PLCE1: variants seen among roughly 807,000 people sequenced by gnomAD.
The protein encoded by PLCE1 is phospholipase C epsilon 1.
A neutral mutation model predicts 242.8 loss-of-function variants in PLCE1; 119 were observed. The ratio of observed to expected loss-of-function variants is 0.49; its 90% CI spans 0.42 to 0.57. The LOEUF (loss-of-function observed/expected upper bound fraction) is 0.57, where lower values mean the gene tolerates loss of function less well. PLCE1 is among the 20% of genes least tolerant of loss of function. The pLI is 0.00. For synonymous variants in PLCE1, 945 were observed against 1,017.4 expected (o/e 0.93, Z 1.35); for missense variants, 2,441 against 2,788.8 (o/e 0.88, Z 2.81).
rs144586739 is a variant in PLCE1 at position 94,067,193 on chromosome 10, C to G, written c.1206+34941C>G. On this transcript the variant is annotated intron_variant, in intron 2 of 32. Transcript: ENST00000371380. Reference sequence around the variant, plus strand: ...CTTGATCTCTGCTGGATCTTCCTAACATACTGGTTAGTGACCCGGACAACC... The same window carrying G: ...CTTGATCTCTGCTGGATCTTCCTAAGATACTGGTTAGTGACCCGGACAACC... Among the ~76,000 whole-genome samples the G allele has an allele frequency of 7.4e-4, 112 of 152,274 alleles. 1 individual carries two copies. In the East Asian group the frequency reaches 0.021, roughly 28 times the overall value.
intron 26 of PLCE1, among the ~76,000 whole-genome samples, chr10:94,307,839 G>A (rs2053254761): frequency 6.6e-6 from 1 of 152,164 alleles, no homozygotes; most frequent in African/African-American, 2.4e-5. Flanking sequence ...CAAGAATGGG[G>A]AGTATAGGGT....
intron 2 of PLCE1, among the ~76,000 whole-genome samples, chr10:94,101,879 G>C (rs567221879): frequency 6.6e-6 from 1 of 152,290 alleles, no homozygotes; most frequent in African/African-American, 2.4e-5. Context: ...TTGTGCGGTG[G>C]TGGGCATGTG....
chr10:94,150,794 C>T (rs1489404913), intron 3 of PLCE1, among the ~76,000 whole-genome samples: 1 of 152,138 alleles, frequency 6.6e-6, no homozygotes, highest in African/African-American at 2.4e-5. Flanking sequence ...GAGCACTCTC[C>T]TTTATATGAT....
At chr10:94,257,255 GT>G (rs943328526) in intron 11 of PLCE1, among the ~76,000 whole-genome samples, 4 of 151,086 alleles carry the variant, frequency 2.6e-5, no homozygotes, top group African/African-American at 7.3e-5. Flanking sequence ...TAAATATATA[GT>G]TTTTAGATTA....
In PLCE1 at chr10:94,325,084, A is replaced by C. The variant is rs1398657166; in HGVS notation, c.*4A>C. On this transcript the variant is annotated 3_prime_UTR_variant, in exon 32 of 33. Coordinates refer to ENST00000371380, the MANE Select transcript of PLCE1 (RefSeq NM_016341.4). Reference sequence around the variant, plus strand: ...CACAATGGATTACCGACAGTGACTAAGGGCAGCATGTTTAACCCAGGTATA... The same window carrying C: ...CACAATGGATTACCGACAGTGACTACGGGCAGCATGTTTAACCCAGGTATA... The C allele has an allele frequency of 1.9e-6, 3 of 1,613,680 alleles. No individual in the cohort carries two copies. Among genetic ancestry groups the C allele is most frequent in the Non-Finnish European group, 2.5e-6 (3 of 1,179,556 alleles).
At chr10:94,280,444 C>G (rs924091102) in intron 20 of PLCE1, 1 of 158,960 alleles carries the variant, frequency 6.3e-6, no homozygotes, top group Admixed American at 6.0e-5. Context: ...AAAACATAGG[C>G]AATGCTAATG....
In PLCE1 at chr10:94,192,906, C is replaced by G. The variant is rs968282737; in HGVS notation, c.1809+21410C>G. Among the ~76,000 whole-genome samples the G allele has an allele frequency of 2.6e-5, 4 of 152,208 alleles. No homozygotes were observed. The South Asian group carries it at 6.2e-4, about 24-fold the overall frequency. On this transcript the variant is annotated intron_variant, in intron 4 of 32. Transcript: ENST00000371380. ...TGGAACGCACCCGCTCTCATCTGATCTTGGAAAAACTAAAAGGATACTATT... is the reference window on the plus strand; with the variant it reads ...TGGAACGCACCCGCTCTCATCTGATGTTGGAAAAACTAAAAGGATACTATT...
At chr10:94,065,210 C>T (rs572523525) in intron 2 of PLCE1, among the ~76,000 whole-genome samples, 2 of 152,292 alleles carry the variant, frequency 1.3e-5, no homozygotes, top group South Asian at 2.1e-4. Context: ...CTTCCCTGGT[C>T]ACTGGAACCT....
intron 1 of PLCE1, among the ~76,000 whole-genome samples, chr10:93,995,653 A>T (rs954010154): frequency 1.3e-5 from 2 of 152,240 alleles, no homozygotes; most frequent in African/African-American, 4.8e-5. Context: ...GAGCTAGAGG[A>T]ATGTATAATG....
intron 2 of PLCE1, chr10:94,107,572 T>C (rs557242870): frequency 6.6e-6 from 1 of 152,126 alleles, no homozygotes; most frequent in East Asian, 1.9e-4. Context: ...TAGTAAACAG[T>C]GGACTCTGTA....
At chr10:94,145,454 T>C (rs895998340) in intron 3 of PLCE1, among the ~76,000 whole-genome samples, 2 of 152,226 alleles carry the variant, frequency 1.3e-5, no homozygotes, top group African/African-American at 4.8e-5. Flanking sequence ...GTTTTACTTA[T>C]ACTGCAGGAA....
chr10:94,247,983 C>T (rs1173722944), intron 8 of PLCE1, among the ~76,000 whole-genome samples: 1 of 152,224 alleles, frequency 6.6e-6, no homozygotes, highest in Non-Finnish European at 1.5e-5. Context: ...TTTCTATCTT[C>T]ATGGCAAAAA....
intron 2 of PLCE1, chr10:94,107,602 G>A (rs937741631): frequency 1.3e-5 from 2 of 152,074 alleles, no homozygotes; most frequent in Non-Finnish European, 2.9e-5. Context: ...GTGAAAAGAT[G>A]GACAATTTAA....
At chr10:94,255,914 A>ACACACTCTCTCTCTCTCTCT (rs1284531207) in intron 11 of PLCE1, among the ~76,000 whole-genome samples, 2 of 67,326 alleles carry the variant, frequency 3.0e-5, no homozygotes, top group African/African-American at 6.2e-5. Flanking sequence ...ACACACACAC[A>ACACACTCTCTCTCTCTCTCT]CTCTCTCTCT....
chr10:94,071,506 T>TTTTTTTTGTTTTGTTTTTTTG (rs1554848903), intron 2 of PLCE1, among the ~76,000 whole-genome samples: 1 of 137,026 alleles, frequency 7.3e-6, no homozygotes, highest in African/African-American at 2.9e-5. Context: ...TTTTTTTTTT[T>TTTTTTTTGTTTTGTTTTTTTG]TTTTTTTTTT....
rs560766814 is a variant in PLCE1, at chr10:94,198,966, C to T, written c.1809+27470C>T. 1.4e-3 allele frequency among the ~76,000 whole-genome samples: 206 copies of T among 152,222 alleles called. 1 individual carries two copies. Among genetic ancestry groups the T allele is most frequent in the Non-Finnish European group, 2.3e-3 (156 of 68,010 alleles). ...ACTTGGGAGGCTGAGGTAGGAGGAT[C>T]GCTTGAGCCCAGGAGGTTGAGGCTG... On this transcript the variant is annotated intron_variant, in intron 4 of 32. Transcript: ENST00000371380.
chr10:94,198,568 C>T (rs1169085936), intron 4 of PLCE1, among the ~76,000 whole-genome samples: 2 of 152,258 alleles, frequency 1.3e-5, no homozygotes, highest in African/African-American at 2.4e-5. Context: ...AGGGATGATA[C>T]TGATCCCAAA....
At chr10:94,041,300 C>CCA (rs1160920121) in intron 2 of PLCE1, among the ~76,000 whole-genome samples, 1 of 152,188 alleles carries the variant, frequency 6.6e-6, no homozygotes, top group Non-Finnish European at 1.5e-5. Context: ...AGAACTACTG[C>CCA]AGGCTTGTTA....
At chr10:94,051,953 GAACA>G (rs2043777459) in intron 2 of PLCE1, among the ~76,000 whole-genome samples, 2 of 152,322 alleles carry the variant, frequency 1.3e-5, no homozygotes, top group South Asian at 4.1e-4. Context: ...CCCACCAAGT[GAACA>G]AACAGTTCAT....
Sources: gnomAD v4.1 joint callset for allele counts (sites outside exome capture counted in the v4.1 genomes callset) on GRCh38, gnomAD v4.1.1 for gene constraint, MANE v1.5 for transcripts, NCBI Gene and HGNC (gene_info 2026-07-23, HGNC 2026-07-21) for gene names.